Variants in CHMP3 observed in about 807,000 individuals in gnomAD.
CHMP3 encodes charged multivesicular body protein 3.
In CHMP3, 8 loss-of-function variants were observed where a neutral mutation model predicts 27.4. That is an observed-to-expected ratio of 0.29 (90% CI 0.17 to 0.53). The LOEUF (loss-of-function observed/expected upper bound fraction) is 0.53. Among genes scored for constraint, CHMP3 ranks in the 20% least tolerant of loss-of-function variants. The pLI is 0.96. For missense variants in CHMP3, 208 were observed against 271.5 expected, an observed-to-expected ratio of 0.77 and a Z score of 1.64; for synonymous variants, 86 against 85.5, an observed-to-expected ratio of 1.01 and a Z score of -0.03.
At position 86,510,251 on chromosome 2, in the gene CHMP3, G is replaced by A. The variant is rs1675046750; in HGVS notation, c.408+107C>T. Reference sequence around the variant, plus strand: ...TACTCCTTAAAATTAATTCTGTCTAGCAGGTGTAGTCTGTTCATCCCCACC... The same window carrying A: ...TACTCCTTAAAATTAATTCTGTCTAACAGGTGTAGTCTGTTCATCCCCACC... On this transcript the variant is annotated intron_variant, in intron 4 of 5. Transcript: ENST00000263856. The A allele has an allele frequency of 8.7e-6, 13 of 1,486,280 alleles. No individual in the cohort carries two copies. The South Asian group carries it at 1.6e-4, about 18-fold the overall frequency. 92.1% of individuals were successfully genotyped at this position (1,486,280 alleles called of 1,614,324 possible). A position where few individuals can be genotyped will look rare whatever the true frequency, so the allele number is the denominator to read the frequency against.
intron 1 of CHMP3, among the ~76,000 whole-genome samples, chr2:86,552,432 T>C (rs867211509): frequency 4.6e-5 from 7 of 152,022 alleles, no homozygotes; most frequent in Non-Finnish European, 1.0e-4. Flanking sequence ...GAAAAAGAAA[T>C]CAGAGAATTA....
intron 1 of CHMP3, among the ~76,000 whole-genome samples, chr2:86,553,326 G>A (rs376081103): frequency 1.1e-4 from 16 of 152,202 alleles, no homozygotes; most frequent in South Asian, 6.2e-4. Context: ...GTAGAAAGCA[G>A]GGGATATTTA....
chr2:86,536,056 CG>C (rs1365504821), intron 2 of CHMP3, among the ~76,000 whole-genome samples: 1 of 123,244 alleles, frequency 8.1e-6, no homozygotes, highest in African/African-American at 3.1e-5. Flanking sequence ...AGTGCAGTGG[CG>C]GGATCTCGGC....
intron 3 of CHMP3, among the ~76,000 whole-genome samples, chr2:86,518,181 T>A (rs575333690): frequency 7.0e-4 from 107 of 152,262 alleles, no homozygotes; most frequent in Non-Finnish European, 1.3e-3. Context: ...TTAAAAACAT[T>A]TGAGCCTCAA....
chr2:86,537,051 G>T (rs55647305), intron 2 of CHMP3, among the ~76,000 whole-genome samples: 11,411 of 152,118 alleles, frequency 0.075, 479 homozygotes, highest in Non-Finnish European at 0.079. Context: ...TTTTTGTAGA[G>T]ATGAGGTTTT....
At chr2:86,508,920 G>A (rs911746239) in intron 4 of CHMP3, among the ~76,000 whole-genome samples, 4 of 152,234 alleles carry the variant, frequency 2.6e-5, no homozygotes, top group Non-Finnish European at 5.9e-5. Flanking sequence ...GTTAAAAAGA[G>A]TCCACCAGAA....
At chr2:86,543,111 C>A (rs1391572740) in intron 1 of CHMP3, among the ~76,000 whole-genome samples, 1 of 152,182 alleles carries the variant, frequency 6.6e-6, no homozygotes, top group East Asian at 1.9e-4. Context: ...GGTTTCTCAG[C>A]ACTTGAGTCT....
rs1043354579 is a variant in CHMP3 at position 86,504,411 on chromosome 2, A to T, written c.*1393T>A. The T allele has an allele frequency of 2.0e-5, 3 of 152,078 alleles. No homozygotes were observed. The highest frequency in any genetic ancestry group is 4.4e-5 in the Non-Finnish European group (3 of 68,018). The allele number at this position is 152,078 out of a possible 1,614,324, so 9.4% of individuals were successfully genotyped here. ...TTTGCTGTGAACCTACAACTGATTT[A>T]AAAAAATAATTATTTAAAATAATTT... On this transcript the variant is annotated 3_prime_UTR_variant, in exon 6 of 6. Coordinates refer to ENST00000263856, the MANE Select transcript of CHMP3 (RefSeq NM_016079.4).
At chr2:86,554,635 T>C (rs1489935464) in intron 1 of CHMP3, among the ~76,000 whole-genome samples, 1 of 152,124 alleles carries the variant, frequency 6.6e-6, no homozygotes, top group Non-Finnish European at 1.5e-5. Context: ...TAGAAACCAA[T>C]TTGGCAGTAT....
At chr2:86,517,296 G>A (rs1288821258) in intron 3 of CHMP3, among the ~76,000 whole-genome samples, 1 of 152,208 alleles carries the variant, frequency 6.6e-6, no homozygotes, top group Non-Finnish European at 1.5e-5. Flanking sequence ...GCCAGGAGCA[G>A]TGGCTCACGC....
At chr2:86,550,809 A>G (rs772343754) in intron 1 of CHMP3, among the ~76,000 whole-genome samples, 2 of 152,224 alleles carry the variant, frequency 1.3e-5, no homozygotes, top group Non-Finnish European at 2.9e-5. Context: ...CCCTAAATAC[A>G]GTGTAACAAC....
At chr2:86,526,320 C>T (rs1675707764) in intron 3 of CHMP3, among the ~76,000 whole-genome samples, 1 of 152,074 alleles carries the variant, frequency 6.6e-6, no homozygotes, top group South Asian at 2.1e-4. Context: ...TTTAGTAGCT[C>T]TGAGAGAACT....
chr2:86,536,559 ATCT>A (rs1676152861), intron 2 of CHMP3, among the ~76,000 whole-genome samples: 1 of 152,158 alleles, frequency 6.6e-6, no homozygotes, highest in South Asian at 2.1e-4. Context: ...CGGATGAGAA[ATCT>A]TCTAAAATCT....
At chr2:86,532,889 GT>G (rs1297526765) in intron 2 of CHMP3, among the ~76,000 whole-genome samples, 3 of 152,186 alleles carry the variant, frequency 2.0e-5, no homozygotes, top group African/African-American at 7.2e-5. Context: ...CTGGTCTATA[GT>G]TTTCTTGCAG....
At chr2:86,517,565 C>CAAAAA (rs70956116) in intron 3 of CHMP3, among the ~76,000 whole-genome samples, 1 of 90,140 alleles carries the variant, frequency 1.1e-5, no homozygotes, top group Non-Finnish European at 2.1e-5. Context: ...GACTCCGTCT[C>CAAAAA]AAAAAAAAAA....
At chr2:86,519,236 T>C (rs1213406710) in intron 3 of CHMP3, among the ~76,000 whole-genome samples, 3 of 151,882 alleles carry the variant, frequency 2.0e-5, no homozygotes, top group African/African-American at 4.8e-5. Context: ...TAGCCAGGCA[T>C]GGTGGTGGGC....
intron 4 of CHMP3, among the ~76,000 whole-genome samples, chr2:86,509,844 CCTT>C (rs1237010552): frequency 6.6e-6 from 1 of 152,332 alleles, no homozygotes; most frequent in East Asian, 1.9e-4. Context: ...GGCAGCAATG[CCTT>C]CTTTATCCCT....
At chr2:86,541,675 T>C (rs1307882501) in intron 2 of CHMP3, among the ~76,000 whole-genome samples, 3 of 152,202 alleles carry the variant, frequency 2.0e-5, no homozygotes, top group Non-Finnish European at 4.4e-5. Context: ...TCTTGCTTTG[T>C]CCAAATTTTT....
chr2:86,536,319 G>GA (rs959784284), intron 2 of CHMP3, among the ~76,000 whole-genome samples: 36 of 152,296 alleles, frequency 2.4e-4, no homozygotes, highest in African/African-American at 8.7e-4. Flanking sequence ...AATTGTCCAT[G>GA]AATCTACCTT....
Sources: allele counts gnomAD v4.1 joint callset (sites outside exome capture counted in the v4.1 genomes callset), GRCh38; gene constraint gnomAD v4.1.1; transcripts MANE v1.5; gene names NCBI Gene and HGNC (gene_info 2026-07-23, HGNC 2026-07-21).